FER: variants seen among roughly 807,000 people sequenced by gnomAD.
FER encodes the protein tyrosine-protein kinase Fer.
A neutral mutation model predicts 111.0 loss-of-function variants in FER; 63 were observed. That is an observed-to-expected ratio of 0.57 (90% CI 0.46 to 0.70). The LOEUF is 0.70. Ranked by LOEUF, FER falls within the 30% of genes least tolerant of loss-of-function variation. The probability of loss-of-function intolerance (pLI) is 0.00; values close to 1 mark genes in which losing one functional copy is unlikely to be tolerated. For missense variants in FER, 914 were observed against 954.0 expected, an observed-to-expected ratio of 0.96 and a Z score of 0.55; for synonymous variants, 327 against 313.9, an observed-to-expected ratio of 1.04 and a Z score of -0.44.
At chr5:109,144,797 C>G (rs192424722) in intron 17 of FER, among the ~76,000 whole-genome samples, 14 of 152,050 alleles carry the variant, frequency 9.2e-5, no homozygotes, top group African/African-American at 3.4e-4. Context: ...AAGAAAGGAA[C>G]CTTAGGAGAT....
At chr5:108,782,735 C>T (rs548951546) in intron 2 of FER, 1 of 152,304 alleles carries the variant, frequency 6.6e-6, no homozygotes, top group South Asian at 2.1e-4. Context: ...GCTTTGGCCT[C>T]TCAGAGTGCT....
chr5:109,103,678 C>T (rs996376349), intron 17 of FER, among the ~76,000 whole-genome samples: 1 of 151,992 alleles, frequency 6.6e-6, no homozygotes, highest in Non-Finnish European at 1.5e-5. Flanking sequence ...ATTTTCTTTC[C>T]TACTTGTACT....
At position 109,190,223 on chromosome 5, in the gene FER, G is replaced by T. The variant is rs1759282306; in HGVS notation, c.*2648G>T. 1 of 152,140 alleles carries T rather than the reference G, an allele frequency of 6.6e-6. No homozygotes were observed. 9.4% of individuals were successfully genotyped at this position (152,140 alleles called of 1,614,324 possible). ...ACATACTGTTCAGAATGTGCAAGTT[G>T]ATGTAGGGAAAGGAAGATTCAGAAA... On this transcript the variant is annotated 3_prime_UTR_variant, in exon 20 of 20. Transcript: ENST00000281092.
chr5:108,881,372 A>T, intron 8 of FER, among the ~76,000 whole-genome samples: 1 of 152,092 alleles, frequency 6.6e-6, no homozygotes, highest in African/African-American at 2.4e-5. Context: ...GGAACTCTTC[A>T]TTTTAAAACC....
rs573904169 is a variant in FER, at chr5:109,043,080, G to T, written c.1714-1600G>T. Among the ~76,000 whole-genome samples, 17 of 152,260 alleles carry T rather than the reference G, an allele frequency of 1.1e-4. No homozygotes were observed. In the South Asian group the frequency reaches 3.3e-3, roughly 30 times the overall value. ...TCAGGGTAACCTTTCTGAGATGCAA[G>T]GAATAAGACAAAAAGTATTATGGAG... is the stretch of plus-strand genomic sequence containing the variant. On this transcript the variant is annotated intron_variant, in intron 14 of 19. Coordinates refer to ENST00000281092, the MANE Select transcript of FER (RefSeq NM_005246.4).
At chr5:108,886,118 A>G (rs1333432282) in intron 9 of FER, among the ~76,000 whole-genome samples, 1 of 151,832 alleles carries the variant, frequency 6.6e-6, no homozygotes, top group Non-Finnish European at 1.5e-5. Flanking sequence ...CCATTTCACC[A>G]GAATGTCTGG....
chr5:108,944,028 C>G (rs1756634222), intron 10 of FER, among the ~76,000 whole-genome samples: 1 of 152,018 alleles, frequency 6.6e-6, no homozygotes, highest in Non-Finnish European at 1.5e-5. Context: ...ACCACCAAGC[C>G]TGGCATAGAG....
At chr5:109,007,834 A>C (rs772706735) in intron 13 of FER, among the ~76,000 whole-genome samples, 10 of 152,198 alleles carry the variant, frequency 6.6e-5, no homozygotes, top group Non-Finnish European at 1.3e-4. Flanking sequence ...GAAACTGCCA[A>C]ATTATTTTCT....
chr5:108,814,295 G>T (rs1031222377), intron 3 of FER, among the ~76,000 whole-genome samples: 1 of 152,220 alleles, frequency 6.6e-6, no homozygotes, highest in Middle Eastern at 3.4e-3. Flanking sequence ...CCAAGGGAGG[G>T]TTATTGGATC....
chr5:108,822,051 TC>T (rs1370414394), intron 3 of FER, among the ~76,000 whole-genome samples: 2 of 152,214 alleles, frequency 1.3e-5, no homozygotes, highest in African/African-American at 4.8e-5. Flanking sequence ...ATTCTCTTTT[TC>T]TGAATTTGAC....
intron 5 of FER, among the ~76,000 whole-genome samples, chr5:108,850,988 C>A (rs905446329): frequency 6.6e-6 from 1 of 152,134 alleles, no homozygotes; most frequent in African/African-American, 2.4e-5. Flanking sequence ...AAGACCAAAA[C>A]ACATTAACCT....
chr5:108,808,704 G>A (rs1035850693), intron 3 of FER, among the ~76,000 whole-genome samples: 6 of 152,100 alleles, frequency 3.9e-5, no homozygotes, highest in Non-Finnish European at 5.9e-5. Context: ...CTGTGTGCAT[G>A]TTTTTGTGGT....
intron 17 of FER, among the ~76,000 whole-genome samples, chr5:109,128,615 A>G (rs1420782783): frequency 2.0e-5 from 3 of 152,296 alleles, no homozygotes; most frequent in East Asian, 1.9e-4. Context: ...GCAATGCAGA[A>G]TGGGGATTGT....
intron 13 of FER, among the ~76,000 whole-genome samples, chr5:108,993,550 T>C (rs191050352): frequency 0.049 from 6,794 of 138,196 alleles, 239 homozygotes; most frequent in South Asian, 0.12. Context: ...AGAGGGAGAC[T>C]GTGGGGAGAG....
intron 5 of FER, among the ~76,000 whole-genome samples, chr5:108,838,768 A>G (rs1274481714): frequency 6.6e-6 from 1 of 152,182 alleles, no homozygotes; most frequent in Non-Finnish European, 1.5e-5. Context: ...TTAAAATAAT[A>G]CACCTTAAAC....
intron 14 of FER, among the ~76,000 whole-genome samples, chr5:109,044,036 T>TA (rs1365588790): frequency 4.7e-4 from 71 of 152,174 alleles, no homozygotes; most frequent in Non-Finnish European, 7.4e-5. Context: ...ATATGCAGTG[T>TA]AAAAAAACCT....
chr5:109,072,253 A>T (rs1442289761), intron 16 of FER, among the ~76,000 whole-genome samples: 1 of 151,522 alleles, frequency 6.6e-6, no homozygotes, highest in East Asian at 2.0e-4. Context: ...TTTCTATTCT[A>T]TGCTCGCAAA....
At chr5:108,849,380 A>G (rs1189446913) in intron 5 of FER, among the ~76,000 whole-genome samples, 3 of 151,886 alleles carry the variant, frequency 2.0e-5, no homozygotes, top group African/African-American at 7.3e-5. Flanking sequence ...GTTAGTTTCT[A>G]TGACTATGTC....
chr5:109,176,080 T>C (rs1284753258), intron 17 of FER, among the ~76,000 whole-genome samples: 1 of 151,996 alleles, frequency 6.6e-6, no homozygotes, highest in East Asian at 1.9e-4. Flanking sequence ...TTAATATATA[T>C]ATTATGGAAA....
Sources: allele counts gnomAD v4.1 joint callset (sites outside exome capture counted in the v4.1 genomes callset), GRCh38; gene constraint gnomAD v4.1.1; transcripts MANE v1.5; gene names NCBI Gene and HGNC (gene_info 2026-07-23, HGNC 2026-07-21).